The following ADAMTS12 variants were observed in gnomAD, a reference collection of about 807,000 sequenced individuals.
ADAMTS12 encodes the protein A disintegrin and metalloproteinase with thrombospondin motifs 12.
Under a neutral mutation model 167.8 loss-of-function variants are expected in ADAMTS12, and 118 were observed. The ratio of observed to expected loss-of-function variants is 0.70; its 90% CI spans 0.61 to 0.82. ADAMTS12 has a LOEUF of 0.82. ADAMTS12 is among the 40% of genes least tolerant of loss of function. The pLI, the probability that ADAMTS12 is intolerant of heterozygous loss-of-function variation, is 0.00. For missense variants in ADAMTS12, 1,916 were observed against 1,998.8 expected (o/e 0.96, Z 0.79); for synonymous variants, 704 against 716.9 (o/e 0.98, Z 0.29).
At chr5:33,537,492 T>G (rs538824101) in intron 22 of ADAMTS12, among the ~76,000 whole-genome samples, 1 of 152,364 alleles carries the variant, frequency 6.6e-6, no homozygotes, top group South Asian at 2.1e-4. Context: ...CTGAGGCTTG[T>G]GTCAAGGTGA....
intron 1 of ADAMTS12, among the ~76,000 whole-genome samples, chr5:33,886,703 G>T (rs1040217067): frequency 6.6e-6 from 1 of 152,036 alleles, no homozygotes; most frequent in Non-Finnish European, 1.5e-5. Context: ...GGATAAGATC[G>T]GTTTTCCCTC....
At chr5:33,582,158 TA>T (rs1391700956) in intron 18 of ADAMTS12, among the ~76,000 whole-genome samples, 1 of 152,104 alleles carries the variant, frequency 6.6e-6, no homozygotes, top group Non-Finnish European at 1.5e-5. Flanking sequence ...CCTAGATAAT[TA>T]AAACAAATCA....
intron 3 of ADAMTS12, among the ~76,000 whole-genome samples, chr5:33,731,543 G>A (rs1744195179): frequency 6.6e-6 from 1 of 152,250 alleles, no homozygotes; most frequent in East Asian, 1.9e-4. Flanking sequence ...GCTGGGACAT[G>A]CACTCCAGCT....
At chr5:33,831,272 G>A (rs1010203297) in intron 2 of ADAMTS12, among the ~76,000 whole-genome samples, 3 of 152,188 alleles carry the variant, frequency 2.0e-5, no homozygotes, top group Admixed American at 6.5e-5. Flanking sequence ...AGGTCAGTGA[G>A]GCATATAGAG....
intron 1 of ADAMTS12, among the ~76,000 whole-genome samples, chr5:33,883,197 T>A (rs1022566975): frequency 1.3e-5 from 2 of 152,218 alleles, no homozygotes; most frequent in Non-Finnish European, 2.9e-5. Context: ...ATCTTGCACA[T>A]CACAGGTGCT....
chr5:33,557,887 T>G (rs190222673), intron 20 of ADAMTS12, among the ~76,000 whole-genome samples: 2 of 152,202 alleles, frequency 1.3e-5, no homozygotes, highest in African/African-American at 4.8e-5. Context: ...CATTAGATTC[T>G]CATAGGGATG....
intron 22 of ADAMTS12, among the ~76,000 whole-genome samples, chr5:33,540,669 G>A (rs1364170246): frequency 6.6e-6 from 1 of 152,252 alleles, no homozygotes; most frequent in Non-Finnish European, 1.5e-5. Flanking sequence ...TGCAGCCTCT[G>A]CTGGTGATAC....
At chr5:33,771,329 C>A (rs567286111) in intron 2 of ADAMTS12, among the ~76,000 whole-genome samples, 1 of 152,168 alleles carries the variant, frequency 6.6e-6, no homozygotes, top group East Asian at 1.9e-4. Flanking sequence ...GAAGGAGTAT[C>A]ATAGTAAAGT....
At chr5:33,658,437 G>T in intron 6 of ADAMTS12, 104 bp from the exon 7 acceptor site, 2 of 1,335,402 alleles carry the variant, frequency 1.5e-6, no homozygotes, top group African/African-American at 2.9e-5. Context: ...GGTCTGTAAA[G>T]TATGCTTGGC....
rs749778013 is a variant in ADAMTS12 at position 33,561,052 on chromosome 5, C to T, written c.4100G>A (p.Gly1367Asp). 3.1e-6 allele frequency: 5 copies of T among 1,614,158 alleles called. No individual in the cohort carries two copies. Among genetic ancestry groups the T allele is most frequent in the Middle Eastern group, 1.7e-4 (1 of 6,060 alleles). ...AKRCHLRPCA[G>D]WKVGNWSKCS... ...CTTGCTCCAGTTTCCCACTTTCCAG[C>T]CAGCACAGGGACGGAGGTGGCATCT... is the stretch of plus-strand genomic sequence containing the variant. The change falls in exon 20 of 24, where the codon GGC (glycine) becomes GAC (aspartate). Residue 1367 changes from glycine (G) to aspartate (D), a missense_variant. Gly to Asp is a moderately conservative substitution (Grantham distance 94). Transcript: ENST00000504830.
chr5:33,727,694 G>C (rs1190935139), intron 3 of ADAMTS12, among the ~76,000 whole-genome samples: 1 of 151,858 alleles, frequency 6.6e-6, no homozygotes, highest in Non-Finnish European at 1.5e-5. Flanking sequence ...CTGTTCCCTG[G>C]AACACACTCT....
intron 16 of ADAMTS12, among the ~76,000 whole-genome samples, chr5:33,597,833 A>G (rs1156374813): frequency 2.0e-5 from 3 of 152,170 alleles, no homozygotes; most frequent in East Asian, 3.8e-4. Flanking sequence ...GAGTGGGGGA[A>G]AAAAGTTTAG....
chr5:33,564,938 A>G (rs1561129174), intron 19 of ADAMTS12, among the ~76,000 whole-genome samples: 1 of 152,020 alleles, frequency 6.6e-6, no homozygotes, highest in African/African-American at 2.4e-5. Context: ...AACTATTACA[A>G]TTTTTTTCTT....
At chr5:33,805,724 A>G (rs1747199263) in intron 2 of ADAMTS12, among the ~76,000 whole-genome samples, 4 of 152,184 alleles carry the variant, frequency 2.6e-5, no homozygotes, top group Admixed American at 2.6e-4. Flanking sequence ...TATGATATGT[A>G]TGCTGTGAAG....
chr5:33,714,400 A>G, intron 3 of ADAMTS12, among the ~76,000 whole-genome samples: 1 of 152,252 alleles, frequency 6.6e-6, no homozygotes, highest in East Asian at 1.9e-4. Flanking sequence ...AGCGTTTCTC[A>G]AAAAACTAAA....
At chr5:33,649,785 C>T in intron 7 of ADAMTS12, 88 bp from the exon 8 acceptor site, 3 of 1,524,424 alleles carry the variant, frequency 2.0e-6, no homozygotes, top group Middle Eastern at 1.8e-4. Context: ...AGCGTAATAA[C>T]TCACAGACAG....
At chr5:33,758,549 C>T (rs1306958778) in intron 2 of ADAMTS12, among the ~76,000 whole-genome samples, 1 of 152,088 alleles carries the variant, frequency 6.6e-6, no homozygotes, top group African/African-American at 2.4e-5. Context: ...TGTGGATTCG[C>T]GCAAGGGGGT....
At chr5:33,674,502 T>C (rs959334097) in intron 5 of ADAMTS12, among the ~76,000 whole-genome samples, 3 of 152,198 alleles carry the variant, frequency 2.0e-5, no homozygotes, top group African/African-American at 7.2e-5. Flanking sequence ...GGATTTACTT[T>C]ATGTCCATAA....
In ADAMTS12 at chr5:33,599,430, T is replaced by A. The variant is rs548340225; in HGVS notation, c.2528-3370A>T. On this transcript the variant is annotated intron_variant, in intron 16 of 23. Transcript: ENST00000504830. ...TCTTCTGTTTTCCCTCCAGATCCAC[T>A]GTGCCCCCTTCTCTTCCCTGCCCTA... Among the ~76,000 whole-genome samples, 8 of 152,322 alleles carry A rather than the reference T, an allele frequency of 5.3e-5. No individual in the cohort carries two copies. The East Asian group carries it at 1.5e-3, about 29-fold the overall frequency.
Sources: allele counts gnomAD v4.1 joint callset (sites outside exome capture counted in the v4.1 genomes callset), GRCh38; gene constraint gnomAD v4.1.1; transcripts MANE v1.5; gene names NCBI Gene and HGNC (gene_info 2026-07-23, HGNC 2026-07-21).